Variants in LAMA3 observed in about 807,000 individuals in gnomAD.
LAMA3 encodes laminin subunit alpha-3.
A neutral mutation model predicts 402.0 loss-of-function variants in LAMA3; 281 were observed. That is an observed-to-expected ratio of 0.70 (90% confidence interval 0.63 to 0.77). The LOEUF (loss-of-function observed/expected upper bound fraction) is 0.77. Ranked by LOEUF, LAMA3 falls within the 30% of genes least tolerant of loss-of-function variation. The pLI is 0.00. For missense variants in LAMA3, 3,840 were observed against 4,215.5 expected, an observed-to-expected ratio of 0.91 and a Z score of 2.47; for synonymous variants, 1,431 against 1,558.4, an observed-to-expected ratio of 0.92 and a Z score of 1.93.
chr18:23,929,038 A>G (rs796257799), intron 64 of LAMA3, among the ~76,000 whole-genome samples: 3 of 152,360 alleles, frequency 2.0e-5, no homozygotes, highest in African/African-American at 7.2e-5. Flanking sequence ...ATATTTTATA[A>G]TAAGAGTTAA....
rs188645162 is a variant in LAMA3, at chr18:23,723,976, G to A, written c.447+9904G>A. Among the ~76,000 whole-genome samples the A allele has an allele frequency of 7.6e-4, 116 of 152,006 alleles. 1 individual carries two copies. Among genetic ancestry groups the A allele is most frequent in the Admixed American group, 1.6e-3 (24 of 15,276 alleles). ...TGATCTGTCAGATTTTGGTGCACCC[G>A]TCACCCAAGCAGTATACACTGCACC... On this transcript the variant is annotated intron_variant, in intron 2 of 74. Transcript: ENST00000313654.
At position 23,749,451 on chromosome 18, in the gene LAMA3, G is replaced by T; in HGVS notation, c.589G>T (p.Glu197Ter). The T allele has an allele frequency of 3.7e-6, 6 of 1,605,374 alleles. No homozygotes were observed. Among genetic ancestry groups the T allele is most frequent in the Non-Finnish European group, 5.1e-6 (6 of 1,172,366 alleles). The stretch of plus-strand genomic sequence containing the variant: ...AGATTCTAAAGTAGACTGTTTAAAA[G>T]AATTTGGGCGGGAGGCAAATATGGC... ...FAHSKVDCLKEFGREANMAVT... is the reference protein window; with the variant it reads ...FAHSKVDCLK Residue 197 changes from glutamate to a stop codon, truncating the protein, a stop_gained, in exon 4 of 75, where the codon GAA (glutamate) becomes TAA (stop). Transcript: ENST00000313654. LOFTEE classifies it high-confidence loss of function.
intron 1 of LAMA3, among the ~76,000 whole-genome samples, chr18:23,708,873 C>G (rs1447124068): frequency 6.6e-6 from 1 of 151,378 alleles, no homozygotes; most frequent in African/African-American, 2.4e-5. Context: ...GCAATCCATC[C>G]CAGTCTCCCA....
chr18:23,805,129 GA>G (rs2062937263), intron 12 of LAMA3, among the ~76,000 whole-genome samples: 9 of 152,084 alleles, frequency 5.9e-5, no homozygotes, highest in Admixed American at 5.9e-4. Flanking sequence ...AGGTGTGAAG[GA>G]AAAAAGCATT....
chr18:23,808,213 A>T (rs1232758053), intron 12 of LAMA3, among the ~76,000 whole-genome samples: 4 of 152,192 alleles, frequency 2.6e-5, no homozygotes, highest in Admixed American at 1.3e-4. Flanking sequence ...AAAGGCAAGG[A>T]TACTCAAGTC....
intron 64 of LAMA3, among the ~76,000 whole-genome samples, chr18:23,930,517 C>T (rs2082131414): frequency 6.6e-6 from 1 of 152,090 alleles, no homozygotes; most frequent in Non-Finnish European, 1.5e-5. Flanking sequence ...GGAGGCCAAG[C>T]CAGGAGTATC....
At chr18:23,710,504 A>C (rs2060972051) in intron 1 of LAMA3, among the ~76,000 whole-genome samples, 1 of 152,214 alleles carries the variant, frequency 6.6e-6, no homozygotes. Flanking sequence ...CTCCATGAAG[A>C]GCTCAAGAAA....
intron 32 of LAMA3, among the ~76,000 whole-genome samples, chr18:23,850,765 G>C (rs954203738): frequency 6.6e-6 from 1 of 152,226 alleles, no homozygotes; most frequent in Non-Finnish European, 1.5e-5. Context: ...TGTGCCATCA[G>C]ATTCTCTGAA....
chr18:23,812,938 A>G, intron 13 of LAMA3, 119 bp from the exon 14 acceptor site: 1 of 722,542 alleles, frequency 1.4e-6, no homozygotes, highest in Non-Finnish European at 2.5e-6. Flanking sequence ...CCACACATCT[A>G]TCGAAAATAT....
intron 38 of LAMA3, chr18:23,872,998 G>A (rs1468771136): frequency 6.2e-7 from 1 of 1,612,584 alleles, no homozygotes; most frequent in Non-Finnish European, 8.5e-7. Flanking sequence ...GGTATAAGAG[G>A]AAGAGGCAGA....
chr18:23,721,922 T>A (rs1044690320), intron 2 of LAMA3, among the ~76,000 whole-genome samples: 1 of 152,198 alleles, frequency 6.6e-6, no homozygotes, highest in African/African-American at 2.4e-5. Context: ...TATCAATCAA[T>A]CTTCTCATTA....
rs934240136 is a variant in LAMA3 at position 23,873,503 on chromosome 18, A to G, written c.4998+1842A>G. Among the ~76,000 whole-genome samples the G allele has an allele frequency of 4.6e-5, 7 of 152,298 alleles. No homozygotes were observed. The East Asian group carries it at 1.4e-3, about 29-fold the overall frequency. On this transcript the variant is annotated intron_variant, in intron 38 of 74. Coordinates refer to ENST00000313654, the MANE Select transcript of LAMA3 (RefSeq NM_198129.4). The stretch of plus-strand genomic sequence containing the variant: ...CGATGAAACTTTATGCCCTTTAGAG[A>G]CCATCCCAAGCCTCAGAACAAAAGA...
intron 55 of LAMA3, among the ~76,000 whole-genome samples, chr18:23,911,782 T>C (rs1322833088): frequency 1.4e-5 from 2 of 147,182 alleles, no homozygotes; most frequent in African/African-American, 4.9e-5. Flanking sequence ...ATAAATTTAA[T>C]ATATGCATAT....
intron 70 of LAMA3, among the ~76,000 whole-genome samples, chr18:23,947,228 G>A (rs1180283563): frequency 6.6e-6 from 1 of 152,094 alleles, no homozygotes; most frequent in Non-Finnish European, 1.5e-5. Flanking sequence ...CCCTGCCACA[G>A]CGTTAATTGC....
intron 7 of LAMA3, among the ~76,000 whole-genome samples, chr18:23,762,315 G>A (rs2061984845): frequency 1.3e-5 from 2 of 152,036 alleles, no homozygotes; most frequent in South Asian, 4.2e-4. Context: ...ATGGCTGGGC[G>A]AGGTGGCTCA....
At chr18:23,698,202 CTTTT>C (rs755879182) in intron 1 of LAMA3, among the ~76,000 whole-genome samples, 1 of 108,858 alleles carries the variant, frequency 9.2e-6, no homozygotes, top group African/African-American at 3.6e-5. Flanking sequence ...TCTTCTTCTT[CTTTT>C]TTTTTTTTTT....
chr18:23,852,358 A>AT (rs1568256959), intron 32 of LAMA3, among the ~76,000 whole-genome samples: 1 of 152,040 alleles, frequency 6.6e-6, no homozygotes, highest in Non-Finnish European at 1.5e-5. Context: ...CATGTTTATG[A>AT]TTTTATCTTC....
In LAMA3 at chr18:23,904,639, A is replaced by T; in HGVS notation, c.6560A>T (p.Lys2187Ile). 1 of 1,614,020 alleles carries T rather than the reference A, an allele frequency of 6.2e-7. No homozygotes were observed. The highest frequency in any genetic ancestry group is 8.5e-7 in the Non-Finnish European group (1 of 1,180,008). Residue 2187 changes from lysine (K) to isoleucine (I), a missense_variant, in exon 51 of 75, where the codon AAA becomes ATA. Around this residue, in one of 3 missense-constraint regions of LAMA3, gnomAD observed 891 missense variants for 857.5 expected, o/e 1.04. Coordinates refer to ENST00000313654, the MANE Select transcript of LAMA3 (RefSeq NM_198129.4). ...TAYENILNAIKAAEDAANRAA... is the reference protein window; with the variant it reads ...TAYENILNAIIAAEDAANRAA... ...TACGAGAACATCCTCAATGCCATCA[A>T]AGCGGCCGAGGACGCAGCCAACAGG...
chr18:23,773,682 T>C (rs1274869648), intron 9 of LAMA3, 95 bp downstream of exon 9: 6 of 769,136 alleles, frequency 7.8e-6, no homozygotes, highest in Non-Finnish European at 1.4e-5. Flanking sequence ...ACTTCCTTCA[T>C]GCCCTCTCTC....
Sources: gnomAD v4.1 joint callset for allele counts (sites outside exome capture counted in the v4.1 genomes callset) on GRCh38, gnomAD v4.1.1 for gene constraint, gnomAD v4.1.1 regional missense constraint, MANE v1.5 for transcripts, NCBI Gene and HGNC (gene_info 2026-07-23, HGNC 2026-07-21) for gene names.